Variants in RNF8 observed in about 807,000 individuals in gnomAD.
RNF8 encodes the protein E3 ubiquitin-protein ligase RNF8.
Under a neutral mutation model 59.3 loss-of-function variants are expected in RNF8, and 8 were observed. That is an observed-to-expected ratio of 0.13 (90% CI 0.08 to 0.24). The LOEUF is 0.24. Among genes scored for constraint, RNF8 ranks in the 10% least tolerant of loss-of-function variants. The pLI, the probability that RNF8 is intolerant of heterozygous loss-of-function variation, is 1.00. For missense variants in RNF8, 406 were observed against 572.6 expected (o/e 0.71, Z 2.97); for synonymous variants, 162 against 200.0 (o/e 0.81, Z 1.60).
rs190651173 is a variant in RNF8 at position 37,380,957 on chromosome 6, A to G, written c.1237-193A>G. 3.3e-5 allele frequency among the ~76,000 whole-genome samples: 5 copies of G among 152,250 alleles called. No homozygotes were observed. In the East Asian group the frequency reaches 7.8e-4, roughly 24 times the overall value. On this transcript the variant is annotated intron_variant, in intron 6 of 7. Coordinates refer to ENST00000373479, the MANE Select transcript of RNF8 (RefSeq NM_003958.4). ...CTTGGCCTTCCGAAGTGCCAGGATT[A>G]CAGGCATGAGCCATCATGCCCGGCC... is the stretch of plus-strand genomic sequence containing the variant.
rs1770258214 is a variant in RNF8 at position 37,381,455 on chromosome 6, T to C, written c.1441+101T>C. On this transcript the variant is annotated intron_variant, in intron 7 of 7. Coordinates refer to ENST00000373479, the MANE Select transcript of RNF8 (RefSeq NM_003958.4). ...AGAGAAAGAGTCAGATAAACAATTCTTGAACTAGGGAAGAGATGGAATAAA... is the reference window on the plus strand; with the variant it reads ...AGAGAAAGAGTCAGATAAACAATTCCTGAACTAGGGAAGAGATGGAATAAA... 1.5e-5 allele frequency: 15 copies of C among 1,012,568 alleles called. No homozygotes were observed. The South Asian group carries it at 2.2e-4, about 15-fold the overall frequency. 62.7% of individuals were successfully genotyped at this position (1,012,568 alleles called of 1,614,324 possible). A position where few individuals can be genotyped will look rare whatever the true frequency, so the allele number is the denominator to read the frequency against.
chr6:37,389,235 A>G (rs1017721519), intron 7 of RNF8, among the ~76,000 whole-genome samples: 24 of 151,980 alleles, frequency 1.6e-4, no homozygotes, highest in Non-Finnish European at 3.4e-4. Context: ...AATGCTGCTG[A>G]GACATTAAAC....
At chr6:37,377,069 T>C (rs1159848846) in intron 6 of RNF8, 36 bp downstream of exon 6, 1 of 1,070,162 alleles carries the variant, frequency 9.3e-7, no homozygotes, top group Admixed American at 2.4e-5. Flanking sequence ...TTCTTTTTTT[T>C]TTTTTTTTTT....
At chr6:37,366,896 A>C (rs1217342018) in intron 2 of RNF8, among the ~76,000 whole-genome samples, 1 of 152,190 alleles carries the variant, frequency 6.6e-6, no homozygotes, top group Admixed American at 6.5e-5. Flanking sequence ...AGGACCTATC[A>C]TCTCCATTTA....
intron 7 of RNF8, among the ~76,000 whole-genome samples, chr6:37,383,331 TCA>T (rs1192793936): frequency 2.0e-5 from 3 of 152,210 alleles, no homozygotes; most frequent in Admixed American, 6.5e-5. Flanking sequence ...GAGAAAATTC[TCA>T]GTTTAAATAC....
chr6:37,355,000 G>C (rs554283975), intron 1 of RNF8, among the ~76,000 whole-genome samples: 1 of 152,362 alleles, frequency 6.6e-6, no homozygotes, highest in Non-Finnish European at 1.5e-5. Flanking sequence ...GTACGGCCGA[G>C]TGGCACTCCC....
intron 4 of RNF8, 148 bp from the exon 5 acceptor site, chr6:37,374,472 G>A (rs1769931314): frequency 1.6e-6 from 1 of 609,704 alleles, no homozygotes; most frequent in African/African-American, 1.9e-5. Flanking sequence ...ATAGCCCAAT[G>A]GAATAAAGGT....
chr6:37,363,081 C>G (rs938231781), intron 2 of RNF8, among the ~76,000 whole-genome samples: 1 of 152,180 alleles, frequency 6.6e-6, no homozygotes, highest in African/African-American at 2.4e-5. Flanking sequence ...CTTTCCCATT[C>G]TTACCCTCCT....
chr6:37,370,453 TTG>T (rs1341213123), intron 3 of RNF8, among the ~76,000 whole-genome samples: 1 of 152,210 alleles, frequency 6.6e-6, no homozygotes, highest in African/African-American at 2.4e-5. Flanking sequence ...TGCTTAATAT[TTG>T]TGGCTGCTCT....
intron 2 of RNF8, among the ~76,000 whole-genome samples, chr6:37,365,413 A>G (rs893836625): frequency 6.6e-6 from 1 of 152,242 alleles, no homozygotes; most frequent in African/African-American, 2.4e-5. Context: ...AACTTTTAAA[A>G]TACTGATACT....
At chr6:37,373,556 G>T (rs944801024) in intron 4 of RNF8, among the ~76,000 whole-genome samples, 3 of 152,024 alleles carry the variant, frequency 2.0e-5, no homozygotes, top group African/African-American at 4.8e-5. Flanking sequence ...ATAGGCGCGC[G>T]CCACAATGCC....
At chr6:37,386,096 A>G (rs544205312) in intron 7 of RNF8, among the ~76,000 whole-genome samples, 7 of 149,144 alleles carry the variant, frequency 4.7e-5, no homozygotes, top group African/African-American at 1.5e-4. Context: ...TCAGCCTCCC[A>G]AAGTGCCAGG....
chr6:37,383,521 C>T (rs1251880928), intron 7 of RNF8, among the ~76,000 whole-genome samples: 1 of 152,210 alleles, frequency 6.6e-6, no homozygotes, highest in African/African-American at 2.4e-5. Context: ...TCAGAGGAGA[C>T]CTGCCTGCCT....
chr6:37,378,446 C>G (rs1770111061), intron 6 of RNF8, among the ~76,000 whole-genome samples: 1 of 151,682 alleles, frequency 6.6e-6, no homozygotes, highest in Non-Finnish European at 1.5e-5. Flanking sequence ...ACTAAAAATA[C>G]AAAAATTAGC....
chr6:37,372,035 A>G (rs920957943), intron 4 of RNF8, among the ~76,000 whole-genome samples: 9 of 152,236 alleles, frequency 5.9e-5, no homozygotes, highest in African/African-American at 1.9e-4. Context: ...TTAACAATCA[A>G]CAACACATAT....
intron 1 of RNF8, among the ~76,000 whole-genome samples, chr6:37,359,548 A>C (rs1769238661): frequency 6.6e-6 from 1 of 152,230 alleles, no homozygotes; most frequent in Admixed American, 6.5e-5. Context: ...TGAACTAGCA[A>C]GATGAAATTT....
intron 1 of RNF8, among the ~76,000 whole-genome samples, chr6:37,355,496 T>C (rs1218040220): frequency 6.6e-6 from 1 of 152,192 alleles, no homozygotes; most frequent in East Asian, 1.9e-4. Context: ...AGAGAGGATT[T>C]ATACAATGAA....
intron 1 of RNF8, among the ~76,000 whole-genome samples, chr6:37,355,309 T>C (rs1769070991): frequency 6.6e-6 from 1 of 152,230 alleles, no homozygotes; most frequent in South Asian, 2.1e-4. Flanking sequence ...GGATGGTTGG[T>C]CATGATGTAA....
chr6:37,363,852 A>G lies in RNF8; in HGVS notation c.240+3278A>G, dbSNP rs528103288. 5.3e-5 allele frequency among the ~76,000 whole-genome samples: 8 copies of G among 152,318 alleles called. No homozygotes were observed. In the East Asian group the frequency reaches 7.7e-4, roughly 15 times the overall value. On this transcript the variant is annotated intron_variant, in intron 2 of 7. Transcript: ENST00000373479. ...CTATAGTGAATATGAATGAACTACT[A>G]TATCTAATAACATGGATAAACCTCA...
Sources: gnomAD v4.1 joint callset for allele counts (sites outside exome capture counted in the v4.1 genomes callset) on GRCh38, gnomAD v4.1.1 for gene constraint, MANE v1.5 for transcripts, NCBI Gene and HGNC (gene_info 2026-07-23, HGNC 2026-07-21) for gene names.